Variants in TNRC6B observed in about 807,000 individuals in gnomAD.
TNRC6B encodes trinucleotide repeat containing adaptor 6B.
In TNRC6B, 52 loss-of-function variants were observed where a neutral mutation model predicts 203.6. The ratio of observed to expected loss-of-function variants is 0.26; its 90% confidence interval spans 0.20 to 0.32. TNRC6B has a LOEUF of 0.32. Among genes scored for constraint, TNRC6B ranks in the 10% least tolerant of loss-of-function variants. The pLI, the probability that TNRC6B is intolerant of heterozygous loss-of-function variation, is 1.00. For missense variants in TNRC6B, 1,923 were observed against 2,286.2 expected, an observed-to-expected ratio of 0.84 and a Z score of 3.24; for synonymous variants, 838 against 845.7, an observed-to-expected ratio of 0.99 and a Z score of 0.16.
At chr22:40,245,877 T>C (rs530413214) in intron 1 of TNRC6B, 138 bp from the exon 2 acceptor site, 3 of 484,264 alleles carry the variant, frequency 6.2e-6, no homozygotes, top group Middle Eastern at 3.7e-4. Flanking sequence ...ATCCTTTTGA[T>C]TTAAATGAAA....
Position 40,310,841 on chromosome 22 carries a change from C to A in TNRC6B, c.4283C>A (p.Thr1428Asn). Residue 1428 changes from threonine (T) to asparagine (N), a missense_variant, in exon 17 of 23, where the codon ACC (threonine) becomes AAC (asparagine). Transcript: ENST00000454349. Reference sequence around the variant, plus strand: ...GGCGCTATAGTGGCCCCTGGTAAAACCCGGGGAGGGTCACCGTACAACCAG... The same window carrying A: ...GGCGCTATAGTGGCCCCTGGTAAAAACCGGGGAGGGTCACCGTACAACCAG... The part of the protein sequence containing the change: ...KNGAIVAPGK[T>N]RGGSPYNQFD... 8 of 1,612,822 alleles carry A rather than the reference C, an allele frequency of 5.0e-6. No individual in the cohort carries two copies. The highest frequency in any genetic ancestry group is 6.8e-6 in the Non-Finnish European group (8 of 1,179,418).
chr22:40,239,074 G>T (rs896995929), intron 1 of TNRC6B, among the ~76,000 whole-genome samples: 1 of 152,152 alleles, frequency 6.6e-6, no homozygotes, highest in African/African-American at 2.4e-5. Context: ...GTGGTGGCAG[G>T]CGCCTGTAAT....
intron 1 of TNRC6B, among the ~76,000 whole-genome samples, chr22:40,214,754 A>G (rs1023264742): frequency 1.1e-4 from 16 of 152,096 alleles, no homozygotes; most frequent in African/African-American, 3.4e-4. Flanking sequence ...GAGTCTTGCT[A>G]TATTGCCCAG....
At chr22:40,158,106 G>A (rs1441482340) in intron 4 of TNRC6B, among the ~76,000 whole-genome samples, 1 of 152,108 alleles carries the variant, frequency 6.6e-6, no homozygotes, top group African/African-American at 2.4e-5. Flanking sequence ...GGGAGGCCAA[G>A]GCGAGTGGAT....
intron 1 of TNRC6B, among the ~76,000 whole-genome samples, chr22:40,214,491 C>T (rs2069607606): frequency 6.6e-6 from 1 of 151,454 alleles, no homozygotes; most frequent in Non-Finnish European, 1.5e-5. Flanking sequence ...TTAGGGGAAA[C>T]TGGGTAATGG....
chr22:40,184,146 T>C (rs1164754961), intron 1 of TNRC6B, among the ~76,000 whole-genome samples: 1 of 152,264 alleles, frequency 6.6e-6, no homozygotes, highest in Non-Finnish European at 1.5e-5. Context: ...ATCTGTTTAC[T>C]CATTCATTCT....
intron 1 of TNRC6B, among the ~76,000 whole-genome samples, chr22:40,208,803 A>G (rs538083823): frequency 6.6e-6 from 1 of 152,360 alleles, no homozygotes; most frequent in African/African-American, 2.4e-5. Flanking sequence ...TCTCCATCCA[A>G]AAAGTAATTC....
At chr22:40,232,811 G>A (rs1018282225) in intron 1 of TNRC6B, among the ~76,000 whole-genome samples, 2 of 152,164 alleles carry the variant, frequency 1.3e-5, no homozygotes. Flanking sequence ...ACAGGAATTC[G>A]AGACCAGCCT....
At chr22:40,212,033 T>C (rs1267121172) in intron 1 of TNRC6B, among the ~76,000 whole-genome samples, 1 of 152,232 alleles carries the variant, frequency 6.6e-6, no homozygotes, top group Non-Finnish European at 1.5e-5. Flanking sequence ...AGTAGGTGCC[T>C]TCCATGGTTC....
chr22:40,065,552 T>A (rs531706732), intron 1 of TNRC6B, among the ~76,000 whole-genome samples: 2 of 152,296 alleles, frequency 1.3e-5, no homozygotes, highest in South Asian at 4.1e-4. Flanking sequence ...TTTCTAGGAA[T>A]TTGTCTATTT....
intron 12 of TNRC6B, among the ~76,000 whole-genome samples, chr22:40,299,244 T>TC (rs1457928497): frequency 1.3e-5 from 2 of 151,356 alleles, no homozygotes; most frequent in East Asian, 3.9e-4. Context: ...TAAAGTCTTT[T>TC]TTTTTTTTTT....
At chr22:40,045,012 G>A (rs1345022963) in intron 1 of TNRC6B, 1 of 149,568 alleles carries the variant, frequency 6.7e-6, no homozygotes, top group Non-Finnish European at 1.5e-5. Context: ...AGTGAGGTGC[G>A]GCGGCCGCGC....
chr22:40,266,010 A>G lies in TNRC6B; in HGVS notation c.1780A>G (p.Arg594Gly). ...TCATAACTCTGGCCGTCGGTCGTAC[A>G]GGCCCACACATCCTGATTGTCAGGC... ...DSHNSGRRSY[R>G]PTHPDCQAVL... is the part of the protein sequence containing the mutation. The change falls in exon 5 of 23, where the codon AGG (arginine) becomes GGG (glycine). Residue 594 changes from arginine to glycine, a missense_variant. By Grantham distance (125) the Arg-to-Gly change is moderately radical. Transcript: ENST00000454349. The G allele has an allele frequency of 6.2e-7, 1 of 1,613,862 alleles. No homozygotes were observed. The highest frequency in any genetic ancestry group is 8.5e-7 in the Non-Finnish European group (1 of 1,179,910).
At chr22:40,167,948 G>T (rs895027200) in intron 4 of TNRC6B, among the ~76,000 whole-genome samples, 1 of 152,092 alleles carries the variant, frequency 6.6e-6, no homozygotes, top group African/African-American at 2.4e-5. Context: ...TTTAGGAGGG[G>T]CCCATGAAAG....
intron 7 of TNRC6B, among the ~76,000 whole-genome samples, chr22:40,275,562 A>G (rs2070629838): frequency 6.6e-6 from 1 of 152,216 alleles, no homozygotes; most frequent in African/African-American, 2.4e-5. Flanking sequence ...ATTTACCACC[A>G]TCTATCCGCA....
chr22:40,088,584 T>TTGTGTGTGTGTGTGTG lies in TNRC6B; in HGVS notation c.-120-28439_-120-28424dup, dbSNP rs58537972. On this transcript the variant is annotated intron_variant, in intron 1 of 23. Transcript: ENST00000301923. ...CTGCCACCATGCCCGGCGGCTACTT[T>TTGTGTGTGTGTGTGTG]TGTGTGTGTGTGTGTGTGTGTGTGT... is the stretch of plus-strand genomic sequence containing the variant. Among the ~76,000 whole-genome samples, 251 of 125,226 alleles carry TTGTGTGTGTGTGTGTG rather than the reference T, an allele frequency of 2.0e-3. 2 individuals are homozygous for TTGTGTGTGTGTGTGTG. The highest frequency in any genetic ancestry group is 2.4e-3 in the African/African-American group (79 of 32,958). The allele number at this position is 125,226 out of a possible 152,430, so 82.2% of individuals were successfully genotyped here. A position where few individuals can be genotyped will look rare whatever the true frequency, so the allele number is the denominator to read the frequency against.
intron 1 of TNRC6B, among the ~76,000 whole-genome samples, chr22:40,103,996 T>C (rs1266771174): frequency 6.7e-6 from 1 of 149,786 alleles, no homozygotes; most frequent in Non-Finnish European, 1.5e-5. Flanking sequence ...CTCATGCCTG[T>C]ATTCCCAGCA....
intron 1 of TNRC6B, among the ~76,000 whole-genome samples, chr22:40,098,618 C>T (rs1357127313): frequency 6.6e-6 from 1 of 152,118 alleles, no homozygotes; most frequent in Non-Finnish European, 1.5e-5. Context: ...TAATTTCTTA[C>T]TCCCTTGGGG....
chr22:40,084,278 G>T (rs1287365714), intron 1 of TNRC6B, among the ~76,000 whole-genome samples: 1 of 152,210 alleles, frequency 6.6e-6, no homozygotes, highest in Non-Finnish European at 1.5e-5. Flanking sequence ...GCTTGAGCCA[G>T]TGAGCTAAAA....
Sources: gnomAD v4.1 joint callset for allele counts (sites outside exome capture counted in the v4.1 genomes callset) on GRCh38, gnomAD v4.1.1 for gene constraint, MANE v1.5 for transcripts, NCBI Gene and HGNC (gene_info 2026-07-23, HGNC 2026-07-21) for gene names.